ADAMTSL1: variants seen among roughly 807,000 people sequenced by gnomAD.
ADAMTSL1 encodes ADAMTS-like protein 1.
In ADAMTSL1, 126 loss-of-function variants were observed where a neutral mutation model predicts 201.8. The ratio of observed to expected loss-of-function variants is 0.62; its 90% confidence interval spans 0.54 to 0.72. ADAMTSL1 has a LOEUF of 0.72. Ranked by LOEUF, ADAMTSL1 falls within the 30% of genes least tolerant of loss-of-function variation. ADAMTSL1 has a pLI of 0.00. For missense variants in ADAMTSL1, 2,679 were observed against 2,277.8 expected, an observed-to-expected ratio of 1.18 and a Z score of -3.59; for synonymous variants, 1,121 against 903.4, an observed-to-expected ratio of 1.24 and a Z score of -4.32.
chr9:18,226,983 C>G (rs1363318175), intron 2 of ADAMTSL1, among the ~76,000 whole-genome samples: 1 of 152,192 alleles, frequency 6.6e-6, no homozygotes, highest in African/African-American at 2.4e-5. Flanking sequence ...TGAATGCATT[C>G]CTGTTTGCAC....
chr9:18,283,584 T>G (rs1279989458), intron 2 of ADAMTSL1, among the ~76,000 whole-genome samples: 1 of 124,454 alleles, frequency 8.0e-6, no homozygotes, highest in Non-Finnish European at 1.6e-5. Flanking sequence ...CCACAGTGGT[T>G]GAAGGAATGA....
At chr9:18,829,535 T>C (rs141008346) in intron 22 of ADAMTSL1, among the ~76,000 whole-genome samples, 5 of 152,312 alleles carry the variant, frequency 3.3e-5, no homozygotes, top group Non-Finnish European at 7.3e-5. Context: ...CTTTATGATA[T>C]AGTTTAACTT....
At chr9:18,271,846 T>C (rs1832381138) in intron 2 of ADAMTSL1, among the ~76,000 whole-genome samples, 1 of 152,172 alleles carries the variant, frequency 6.6e-6, no homozygotes, top group South Asian at 2.1e-4. Flanking sequence ...TGTTGTTTCC[T>C]GACTCTTTAA....
intron 12 of ADAMTSL1, among the ~76,000 whole-genome samples, chr9:18,683,456 C>A (rs1299526309): frequency 6.6e-6 from 1 of 151,774 alleles, no homozygotes; most frequent in Middle Eastern, 3.2e-3. Flanking sequence ...TGGTCTCGAA[C>A]TCCTGAGCTC....
intron 2 of ADAMTSL1, among the ~76,000 whole-genome samples, chr9:18,468,891 T>C (rs1041227714): frequency 6.6e-6 from 1 of 152,194 alleles, no homozygotes; most frequent in African/African-American, 2.4e-5. Context: ...TCAGATCAAA[T>C]TTTACAATTG....
chr9:18,645,131 A>G (rs1186080865), intron 7 of ADAMTSL1, among the ~76,000 whole-genome samples: 1 of 152,126 alleles, frequency 6.6e-6, no homozygotes, highest in Non-Finnish European at 1.5e-5. Context: ...CATTTCTCTG[A>G]GGGCCAGTGA....
chr9:18,292,048 C>T (rs947035314), intron 2 of ADAMTSL1, among the ~76,000 whole-genome samples: 1 of 152,080 alleles, frequency 6.6e-6, no homozygotes, highest in Non-Finnish European at 1.5e-5. Flanking sequence ...AGCTGAGACT[C>T]AGAAGCAGAA....
intron 2 of ADAMTSL1, among the ~76,000 whole-genome samples, chr9:18,386,712 G>C (rs184140831): frequency 1.3e-5 from 2 of 152,136 alleles, no homozygotes; most frequent in East Asian, 3.9e-4. Flanking sequence ...ATTGTATTCT[G>C]CATGTAGTCA....
At chr9:18,720,089 T>A (rs868226675) in intron 14 of ADAMTSL1, among the ~76,000 whole-genome samples, 5 of 152,210 alleles carry the variant, frequency 3.3e-5, no homozygotes, top group Admixed American at 2.6e-4. Flanking sequence ...GAATGTCCTG[T>A]CTTGCCTCTT....
chr9:18,144,052 A>G (rs1385870811), intron 1 of ADAMTSL1, among the ~76,000 whole-genome samples: 1 of 152,200 alleles, frequency 6.6e-6, no homozygotes, highest in African/African-American at 2.4e-5. Flanking sequence ...GTTTCTTACT[A>G]TCTTCAGAAC....
chr9:18,390,642 A>G (rs961907081), intron 2 of ADAMTSL1, among the ~76,000 whole-genome samples: 5 of 152,212 alleles, frequency 3.3e-5, no homozygotes, highest in African/African-American at 1.2e-4. Flanking sequence ...TCCTCTCAGG[A>G]GTGTTGACAA....
At chr9:18,324,303 T>G (rs1331682685) in intron 2 of ADAMTSL1, among the ~76,000 whole-genome samples, 1 of 152,120 alleles carries the variant, frequency 6.6e-6, no homozygotes, top group East Asian at 1.9e-4. Context: ...ACACAAAACT[T>G]AATTCAAAAT....
chr9:18,349,255 G>A (rs983554623), intron 2 of ADAMTSL1, among the ~76,000 whole-genome samples: 5 of 152,160 alleles, frequency 3.3e-5, no homozygotes, highest in African/African-American at 1.2e-4. Flanking sequence ...GGTGAACTTG[G>A]AAAACAATGA....
At chr9:18,509,346 C>T (rs1371174274) in intron 2 of ADAMTSL1, among the ~76,000 whole-genome samples, 1 of 151,586 alleles carries the variant, frequency 6.6e-6, no homozygotes. Context: ...CTAGTACCAG[C>T]AAGAATTTAT....
rs545395919 is a variant in ADAMTSL1, at chr9:17,954,412, C to T, written c.87+47490C>T. ...ATTTTCAGCCATCGTTAATCTGATT[C>T]AGATATATAAGAAGTTTGTTATTAG... On this transcript the variant is annotated intron_variant, in intron 1 of 29. Coordinates refer to the ADAMTSL1 transcript ENST00000680146. Among the ~76,000 whole-genome samples the T allele has an allele frequency of 7.9e-5, 12 of 152,258 alleles. No individual in the cohort carries two copies. The South Asian group carries it at 2.3e-3, about 29-fold the overall frequency.
intron 1 of ADAMTSL1, among the ~76,000 whole-genome samples, chr9:18,128,697 C>A (rs375932443): frequency 1.7e-4 from 26 of 152,124 alleles, no homozygotes; most frequent in African/African-American, 6.0e-4. Context: ...TTCAGTAATT[C>A]AGCTATGAAA....
At position 18,273,177 on chromosome 9, in the gene ADAMTSL1, T is replaced by A. The variant is rs558984862; in HGVS notation, c.207+109196T>A. 2.0e-5 allele frequency among the ~76,000 whole-genome samples: 3 copies of A among 152,254 alleles called. No homozygotes were observed. In the South Asian group the frequency reaches 6.2e-4, roughly 32 times the overall value. On this transcript the variant is annotated intron_variant, in intron 2 of 29. Coordinates refer to the ADAMTSL1 transcript ENST00000680146. ...TCACTGCAACCTCTCCCTCCCAGGT[T>A]CAAGTGATTCTCGTGCCTCAGCCTC...
intron 3 of ADAMTSL1, among the ~76,000 whole-genome samples, chr9:18,556,550 T>C (rs1450506688): frequency 6.6e-6 from 1 of 152,012 alleles, no homozygotes; most frequent in African/African-American, 2.4e-5. Flanking sequence ...CTATTCAGGA[T>C]GAGGCTGGTG....
intron 2 of ADAMTSL1, among the ~76,000 whole-genome samples, chr9:18,270,783 C>T (rs923667274): frequency 6.6e-6 from 1 of 152,130 alleles, no homozygotes; most frequent in Non-Finnish European, 1.5e-5. Flanking sequence ...CATTTTTCAG[C>T]CTCCTTATGT....
Sources: gnomAD v4.1 joint callset for allele counts (sites outside exome capture counted in the v4.1 genomes callset) on GRCh38, gnomAD v4.1.1 for gene constraint, MANE v1.5 for transcripts, NCBI Gene and HGNC (gene_info 2026-07-23, HGNC 2026-07-21) for gene names.